The following CBFA2T3 variants were observed in gnomAD, a reference collection of about 807,000 sequenced individuals.
The protein encoded by CBFA2T3 is CBFA2/RUNX1 partner transcriptional co-repressor 3.
In CBFA2T3, 31 loss-of-function variants were observed where a neutral mutation model predicts 58.6. That is an observed-to-expected ratio of 0.53 (90% CI 0.40 to 0.71). CBFA2T3 has a LOEUF of 0.71. Ranked by LOEUF, CBFA2T3 falls within the 30% of genes least tolerant of loss-of-function variation. The pLI, the probability that CBFA2T3 is intolerant of heterozygous loss-of-function variation, is 0.00. For synonymous variants in CBFA2T3, 531 were observed against 421.9 expected, an observed-to-expected ratio of 1.26 and a Z score of -3.17; for missense variants, 1,076 against 963.1, an observed-to-expected ratio of 1.12 and a Z score of -1.55.
At position 88,880,768 on chromosome 16, in the gene CBFA2T3, G is replaced by A. The variant is rs779126607; in HGVS notation, c.1423C>T (p.Pro475Ser). Residue 475 changes from proline to serine, a missense_variant, in exon 10 of 12, where the codon CCG (proline) becomes TCG (serine). By Grantham distance (74) the Pro-to-Ser change is moderately conservative (BLOSUM62 -1). Coordinates refer to ENST00000268679, the MANE Select transcript of CBFA2T3 (RefSeq NM_005187.6). ...GGCACGTAGCCGGTGAGGGTCCTCGGCAGGAACTCGCGAGGCACGTCTGAA... is the reference window on the plus strand; with the variant it reads ...GGCACGTAGCCGGTGAGGGTCCTCGACAGGAACTCGCGAGGCACGTCTGAA... The part of the protein sequence containing the change: ...PQLDVPREFL[P>S]RTLTGYVPED... 7.2e-5 allele frequency: 114 copies of A among 1,584,858 alleles called. 1 individual carries two copies. In the Middle Eastern group the frequency reaches 8.3e-4, roughly 12 times the overall value.
chr16:88,909,801 C>T (rs1050278688), intron 1 of CBFA2T3, among the ~76,000 whole-genome samples: 2 of 152,220 alleles, frequency 1.3e-5, no homozygotes, highest in African/African-American at 4.8e-5. Context: ...TCACTGGCCA[C>T]GGCCGTGCAG....
intron 3 of CBFA2T3, 152 bp downstream of exon 3, chr16:88,897,926 A>T: frequency 6.2e-6 from 4 of 640,584 alleles, no homozygotes; most frequent in Non-Finnish European, 1.1e-5. Flanking sequence ...TCTTCTCCCT[A>T]AGGAGGCAAG....
intron 1 of CBFA2T3, among the ~76,000 whole-genome samples, chr16:88,927,185 G>A (rs532425120): frequency 2.0e-5 from 3 of 152,338 alleles, no homozygotes; most frequent in East Asian, 1.9e-4. Context: ...GGGAATGAAC[G>A]GGCACCGCCT....
rs914528701 is a variant in CBFA2T3 at position 88,885,390 on chromosome 16, A to G, written c.894-121T>C. On this transcript the variant is annotated intron_variant, in intron 6 of 11. Transcript: ENST00000268679. The surrounding 1 kb of genome is among the most constrained non-coding windows in gnomAD (Gnocchi z 5.3). ...GAGAAAGAGGACACGTAAGGGCGAG[A>G]CAGAAACACGGAGCAAAACACCAGC... The G allele has an allele frequency of 3.2e-6, 2 of 633,554 alleles. No homozygotes were observed. Among genetic ancestry groups the G allele is most frequent in the Non-Finnish European group, 5.0e-6 (2 of 401,056 alleles). 39.2% of individuals were successfully genotyped at this position (633,554 alleles called of 1,614,324 possible). A position where few individuals can be genotyped will look rare whatever the true frequency, so the allele number is the denominator to read the frequency against.
At chr16:88,923,298 A>T (rs1015803509) in intron 1 of CBFA2T3, among the ~76,000 whole-genome samples, 8 of 152,030 alleles carry the variant, frequency 5.3e-5, no homozygotes, top group African/African-American at 1.9e-4. Flanking sequence ...CGCACAGAGG[A>T]GGTGAGGATT....
chr16:88,904,035 G>A (rs1970205332), intron 1 of CBFA2T3, among the ~76,000 whole-genome samples: 1 of 152,228 alleles, frequency 6.6e-6, no homozygotes, highest in Non-Finnish European at 1.5e-5. Context: ...GGAGACCGCT[G>A]GGCCGTCATG....
At position 88,901,586 on chromosome 16, in the gene CBFA2T3, C is replaced by A. The variant is rs754754724; in HGVS notation, c.222G>T (p.Arg74=). Residue 74 remains arginine, a synonymous_variant, in exon 2 of 12, where the codon CGG becomes CGT. Transcript: ENST00000268679. ...GGGGCGGCATGCTGGGGGGTGTGGA[C>A]CGGGGCTGCGTCTTCACCTCCGCTG... ...DSPAEVKTQP[R]STPPSMPPPP... 1 of 1,513,740 alleles carries A rather than the reference C, an allele frequency of 6.6e-7. No homozygotes were observed. Among genetic ancestry groups the A allele is most frequent in the South Asian group, 1.3e-5 (1 of 74,718 alleles). The allele number at this position is 1,513,740 out of a possible 1,614,324, so 93.8% of individuals were successfully genotyped here.
chr16:88,889,977 C>T lies in CBFA2T3; in HGVS notation c.711+1905G>A, dbSNP rs547664218. 3.2e-3 allele frequency among the ~76,000 whole-genome samples: 468 copies of T among 147,102 alleles called. 27 individuals carry two copies. Among genetic ancestry groups the T allele is most frequent in the African/African-American group, 0.011 (442 of 38,464 alleles). On this transcript the variant is annotated intron_variant, in intron 5 of 11. Coordinates refer to ENST00000268679, the MANE Select transcript of CBFA2T3 (RefSeq NM_005187.6). ...TCCTCCTCCTCCAGGGACGACGCCC[C>T]GTGATTCCTCCTCCTCCAGGGGACG...
At chr16:88,919,115 T>C (rs146593560) in intron 1 of CBFA2T3, among the ~76,000 whole-genome samples, 3 of 152,156 alleles carry the variant, frequency 2.0e-5, no homozygotes, top group Admixed American at 1.3e-4. Flanking sequence ...CTCTTCCTTA[T>C]TTGAAGGTGT....
At chr16:88,916,406 TCATGCGTGTG>T (rs557189064) in intron 1 of CBFA2T3, among the ~76,000 whole-genome samples, 2,766 of 152,146 alleles carry the variant, frequency 0.018, 36 homozygotes, top group Non-Finnish European at 0.031. Context: ...ATATGCGTAT[TCATGCGTGTG>T]CATGGCTGTG....
In CBFA2T3 at chr16:88,880,759, G is replaced by A; in HGVS notation, c.1432C>T (p.Leu478Phe). Residue 478 changes from leucine to phenylalanine, a missense_variant, in exon 10 of 12, where the codon CTC becomes TTC. Physicochemically the swap from Leu to Phe is conservative, Grantham distance 22. Transcript: ENST00000268679. ...ATGTCCTCAGGCACGTAGCCGGTGA[G>A]GGTCCTCGGCAGGAACTCGCGAGGC... is the stretch of plus-strand genomic sequence containing the variant. Reference protein sequence around the residue: ...DVPREFLPRTLTGYVPEDIWR... With the variant: ...DVPREFLPRTFTGYVPEDIWR... 1 of 1,584,070 alleles carries A rather than the reference G, an allele frequency of 6.3e-7. No homozygotes were observed. Among genetic ancestry groups the A allele is most frequent in the Non-Finnish European group, 8.6e-7 (1 of 1,164,756 alleles).
In CBFA2T3 at chr16:88,877,212, AGTAGCGTGCCGCGTT is replaced by A; in HGVS notation, c.1711_1725del (p.Asn571_Tyr575del). 2 of 1,556,288 alleles carry A rather than the reference AGTAGCGTGCCGCGTT, an allele frequency of 1.3e-6. No individual in the cohort carries two copies. Among genetic ancestry groups the A allele is most frequent in the Non-Finnish European group, 1.7e-6 (2 of 1,150,546 alleles). ...TCCCGATGCTGGCAGAAGGACCCGCAGTAGCGTGCCGCGTTGCAGCCGCTGCACGTCTCACTGGCT... is the reference window on the plus strand; with the variant it reads ...TCCCGATGCTGGCAGAAGGACCCGCAGCAGCCGCTGCACGTCTCACTGGCT... On this transcript the variant is annotated inframe_deletion, in exon 12 of 12. Coordinates refer to ENST00000268679, the MANE Select transcript of CBFA2T3 (RefSeq NM_005187.6).
At chr16:88,932,240 G>GCTTCCCCCTCACACGGCCCCCA (rs1971336105) in intron 1 of CBFA2T3, among the ~76,000 whole-genome samples, 1 of 94,204 alleles carries the variant, frequency 1.1e-5, no homozygotes, top group African/African-American at 4.8e-5. Context: ...CATGGCCCCC[G>GCTTCCCCCTCACACGGCCCCCA]CTTCCCCCTC....
At chr16:88,894,032 C>G (rs1187091518) in intron 3 of CBFA2T3, among the ~76,000 whole-genome samples, 1 of 152,156 alleles carries the variant, frequency 6.6e-6, no homozygotes, top group Non-Finnish European at 1.5e-5. Context: ...CGCACACACT[C>G]ACGGCTGGCT....
At chr16:88,913,401 G>A (rs1351905556) in intron 1 of CBFA2T3, among the ~76,000 whole-genome samples, 2 of 152,254 alleles carry the variant, frequency 1.3e-5, no homozygotes, top group Non-Finnish European at 2.9e-5. Context: ...AAGGGTGGTT[G>A]CTTTGAGCCA....
chr16:88,960,206 C>G (rs1025803221), intron 1 of CBFA2T3, among the ~76,000 whole-genome samples: 1 of 152,156 alleles, frequency 6.6e-6, no homozygotes, highest in Admixed American at 6.5e-5. Context: ...TATTGAATGA[C>G]TCAGGCCTAC....
chr16:88,880,950 G>C, intron 9 of CBFA2T3, 162 bp from the exon 10 acceptor site: 1 of 702,980 alleles, frequency 1.4e-6, no homozygotes, highest in Admixed American at 2.2e-5. Flanking sequence ...AGGCACCCAG[G>C]GCAGTGCCCG....
Position 88,914,425 on chromosome 16 carries a change from A to G in CBFA2T3, c.152-12769T>C, listed in dbSNP as rs149210407. Among the ~76,000 whole-genome samples, 1,177 of 152,338 alleles carry G rather than the reference A, an allele frequency of 7.7e-3. 12 individuals carry two copies. Among genetic ancestry groups the G allele is most frequent in the African/African-American group, 0.027 (1,115 of 41,562 alleles). ...TTAATTGCAAAAATGATGTCACGGG[A>G]CGCTCTCTATTGACATCCCCTATGA... On this transcript the variant is annotated intron_variant, in intron 1 of 11. Transcript: ENST00000268679.
In CBFA2T3 at chr16:88,969,501, C is replaced by T. The variant is rs114031075; in HGVS notation, c.151+7156G>A. On this transcript the variant is annotated intron_variant, in intron 1 of 11. Transcript: ENST00000268679. ...CCTCACCAAATCCCACCCCAGCCTT[C>T]AGGAGGGGCTCGCCGCCACCCCGTT... Among the ~76,000 whole-genome samples the T allele has an allele frequency of 5.6e-3, 857 of 152,330 alleles. 9 individuals carry two copies. Among genetic ancestry groups the T allele is most frequent in the African/African-American group, 0.019 (792 of 41,576 alleles).
Sources: gnomAD v4.1 joint callset for allele counts (sites outside exome capture counted in the v4.1 genomes callset) on GRCh38, gnomAD v4.1.1 for gene constraint, Gnocchi (gnomAD v3.1) non-coding constraint, MANE v1.5 for transcripts, NCBI Gene and HGNC (gene_info 2026-07-23, HGNC 2026-07-21) for gene names.